Variants in FBN2 observed in about 807,000 individuals in gnomAD.
FBN2 encodes the protein fibrillin-2.
FBN2 carries 105 observed loss-of-function variants against 355.6 expected under a neutral mutation model. The ratio of observed to expected loss-of-function variants is 0.30; its 90% CI spans 0.25 to 0.35. The LOEUF is 0.35. FBN2 is among the 10% of genes least tolerant of loss of function. FBN2 has a pLI of 1.00. For missense variants in FBN2, 3,280 were observed against 3,758.7 expected, an observed-to-expected ratio of 0.87 and a Z score of 3.33; for synonymous variants, 1,350 against 1,301.2, an observed-to-expected ratio of 1.04 and a Z score of -0.81.
At chr5:128,388,058 A>G (rs1390139846) in intron 11 of FBN2, among the ~76,000 whole-genome samples, 1 of 152,098 alleles carries the variant, frequency 6.6e-6, no homozygotes, top group African/African-American at 2.4e-5. Flanking sequence ...TAGGATAGGG[A>G]AATCTTTTGT....
intron 4 of FBN2, among the ~76,000 whole-genome samples, chr5:128,520,888 T>C (rs147329690): frequency 9.9e-5 from 15 of 151,950 alleles, no homozygotes; most frequent in East Asian, 3.9e-4. Context: ...CCTTGAAATA[T>C]GGGCAGACTT....
intron 36 of FBN2, among the ~76,000 whole-genome samples, chr5:128,317,642 G>A (rs557942667): frequency 1.3e-5 from 2 of 152,062 alleles, no homozygotes; most frequent in Non-Finnish European, 2.9e-5. Context: ...GTTTTTTTAA[G>A]ATCAGAGGTG....
rs549089360 is a variant in FBN2, at chr5:128,410,833, A to G, written c.953-2034T>C. 1.4e-3 allele frequency among the ~76,000 whole-genome samples: 215 copies of G among 152,316 alleles called. 1 individual carries two copies. Among genetic ancestry groups the G allele is most frequent in the South Asian group, 5.2e-3 (25 of 4,834 alleles). ...CTTACAGTTGAGTAGGAACCCTAAA[A>G]GGTTAGCTTCAAAATAATTATACAT... On this transcript the variant is annotated intron_variant, in intron 7 of 64. Coordinates refer to ENST00000262464, the MANE Select transcript of FBN2 (RefSeq NM_001999.4).
In FBN2 at chr5:128,534,086, T is replaced by A. The variant is rs951016334; in HGVS notation, c.337+2316A>T. On this transcript the variant is annotated intron_variant, in intron 2 of 64. Transcript: ENST00000262464. The stretch of plus-strand genomic sequence containing the variant: ...TCAAACACTAAAATTCTGTTGACCA[T>A]TTTTTATTTTTCTATATTAAAAGAA... Among the ~76,000 whole-genome samples the A allele has an allele frequency of 4.7e-4, 71 of 152,268 alleles. 2 individuals are homozygous for A. The highest frequency in any genetic ancestry group is 3.2e-3 in the Admixed American group (49 of 15,298).
intron 33 of FBN2, among the ~76,000 whole-genome samples, chr5:128,329,401 G>GA (rs1490029077): frequency 6.6e-6 from 1 of 152,028 alleles, no homozygotes; most frequent in African/African-American, 2.4e-5. Flanking sequence ...AAGAGGGAAG[G>GA]AAAAATCACT....
intron 5 of FBN2, among the ~76,000 whole-genome samples, chr5:128,495,906 T>C (rs1044812392): frequency 6.6e-6 from 1 of 152,070 alleles, no homozygotes; most frequent in African/African-American, 2.4e-5. Context: ...AAATCAGACA[T>C]ATGAAATGGA....
intron 5 of FBN2, among the ~76,000 whole-genome samples, chr5:128,508,040 T>G (rs1003608050): frequency 6.6e-6 from 1 of 152,100 alleles, no homozygotes. Context: ...TGCCTGATAC[T>G]ATTACTTGCT....
chr5:128,360,722 G>A (rs1260354992), intron 19 of FBN2, among the ~76,000 whole-genome samples: 2 of 151,794 alleles, frequency 1.3e-5, no homozygotes, highest in African/African-American at 4.8e-5. Flanking sequence ...TCACAAGAAT[G>A]CTTTGAAGTT....
At chr5:128,525,088 C>T (rs1306647004) in intron 4 of FBN2, among the ~76,000 whole-genome samples, 2 of 152,138 alleles carry the variant, frequency 1.3e-5, no homozygotes, top group Non-Finnish European at 2.9e-5. Flanking sequence ...CATACATACA[C>T]ACGTATGCCC....
chr5:128,330,251 T>G (rs1750656297), intron 33 of FBN2, among the ~76,000 whole-genome samples: 1 of 152,242 alleles, frequency 6.6e-6, no homozygotes, highest in African/African-American at 2.4e-5. Context: ...TAGGCAAGAT[T>G]TGAATCCAGG....
At chr5:128,283,733 T>C (rs1048474970) in intron 55 of FBN2, among the ~76,000 whole-genome samples, 2 of 152,204 alleles carry the variant, frequency 1.3e-5, no homozygotes, top group African/African-American at 4.8e-5. Flanking sequence ...CTTGGAAAGC[T>C]AGAACATATC....
At chr5:128,369,404 CT>C (rs2126947758) in intron 15 of FBN2, 70 bp from the exon 16 acceptor site, 4 of 1,529,658 alleles carry the variant, frequency 2.6e-6, no homozygotes, top group Non-Finnish European at 3.6e-6. Flanking sequence ...CAGAAGGCTT[CT>C]TTTAACCTAA....
intron 12 of FBN2, 131 bp from the exon 13 acceptor site, chr5:128,378,008 G>GTTTTTTTTTT: frequency 2.0e-6 from 1 of 509,524 alleles, no homozygotes; most frequent in East Asian, 3.7e-5. Flanking sequence ...TCTCTCAGCA[G>GTTTTTTTTTT]TTTTTTTTTT....
intron 58 of FBN2, among the ~76,000 whole-genome samples, chr5:128,277,446 T>C (rs561904677): frequency 6.6e-6 from 1 of 152,290 alleles, no homozygotes; most frequent in African/African-American, 2.4e-5. Context: ...TGGAAAACAT[T>C]CTCTTAATAT....
chr5:128,357,162 T>C (rs901121223), intron 20 of FBN2, 114 bp downstream of exon 20: 20 of 1,288,084 alleles, frequency 1.6e-5, no homozygotes, highest in South Asian at 2.4e-5. Context: ...ACTAACATAA[T>C]GTGTAATTCT....
At chr5:128,274,887 T>C (rs1292939969) in intron 59 of FBN2, among the ~76,000 whole-genome samples, 2 of 152,190 alleles carry the variant, frequency 1.3e-5, no homozygotes, top group Non-Finnish European at 2.9e-5. Context: ...GCTAGGATGA[T>C]AGGACAATTA....
chr5:128,437,435 A>G (rs1323738244), intron 7 of FBN2, among the ~76,000 whole-genome samples: 2 of 152,222 alleles, frequency 1.3e-5, no homozygotes, highest in Non-Finnish European at 2.9e-5. Context: ...AATGATTATG[A>G]TGATGAATGG....
At chr5:128,365,445 C>T (rs1434346687) in intron 17 of FBN2, 3 of 152,036 alleles carry the variant, frequency 2.0e-5, no homozygotes, top group African/African-American at 4.8e-5. Context: ...TCACTATGCT[C>T]AAATTTTGAT....
rs781700589 is a variant in FBN2, at chr5:128,357,362, T to C, written c.2588A>G (p.Asn863Ser). ...TCCAAGGTTGTTTCTGCAGGCCCCA[T>C]TGACACATGGGTTGCTTTCACATTC... ...INECESNPCV[N>S]GACRNNLGSF... Residue 863 changes from asparagine to serine, a missense_variant, in exon 20 of 65, where the codon AAT becomes AGT. Transcript: ENST00000262464. 9 of 1,613,772 alleles carry C rather than the reference T, an allele frequency of 5.6e-6. No homozygotes were observed. The highest frequency in any genetic ancestry group is 7.6e-6 in the Non-Finnish European group (9 of 1,179,838).
Sources: gnomAD v4.1 joint callset for allele counts (sites outside exome capture counted in the v4.1 genomes callset) on GRCh38, gnomAD v4.1.1 for gene constraint, MANE v1.5 for transcripts, NCBI Gene and HGNC (gene_info 2026-07-23, HGNC 2026-07-21) for gene names.